The following PLEKHG7 variants were observed in gnomAD, a reference collection of about 807,000 sequenced individuals.
The protein encoded by PLEKHG7 is pleckstrin homology domain-containing family G member 7.
A neutral mutation model predicts 85.2 loss-of-function variants in PLEKHG7; 77 were observed. That is an observed-to-expected ratio of 0.90 (90% confidence interval 0.75 to 1.09). PLEKHG7 has a LOEUF of 1.09. Ranked by LOEUF, PLEKHG7 falls within the 50% of genes least tolerant of loss-of-function variation. The pLI is 0.00. For synonymous variants in PLEKHG7, 301 were observed against 302.4 expected (o/e 1.00, Z 0.05); for missense variants, 777 against 804.3 (o/e 0.97, Z 0.41).
intron 15 of PLEKHG7, 81 bp from the exon 16 acceptor site, chr12:92,768,901 AC>A: frequency 1.0e-6 from 1 of 959,464 alleles, no homozygotes; most frequent in South Asian, 1.8e-5. Flanking sequence ...TAGAAAACAA[AC>A]CCCAGATTCT....
intron 5 of PLEKHG7, among the ~76,000 whole-genome samples, chr12:92,733,454 G>A (rs1033459104): frequency 6.6e-6 from 1 of 152,170 alleles, no homozygotes; most frequent in Non-Finnish European, 1.5e-5. Flanking sequence ...GGAACATACT[G>A]TAAACATTAT....
intron 9 of PLEKHG7, among the ~76,000 whole-genome samples, chr12:92,741,895 T>C (rs570550025): frequency 3.3e-5 from 5 of 152,368 alleles, no homozygotes; most frequent in Middle Eastern, 3.4e-3. Flanking sequence ...GGCAATAGTT[T>C]AGTGTTTGCT....
intron 13 of PLEKHG7, among the ~76,000 whole-genome samples, chr12:92,759,240 C>A (rs1247497316): frequency 6.6e-6 from 1 of 152,198 alleles, no homozygotes; most frequent in Non-Finnish European, 1.5e-5. Context: ...ATAATTACCA[C>A]TTTCTAGAAT....
At chr12:92,724,427 G>A (rs1425014008) in intron 3 of PLEKHG7, among the ~76,000 whole-genome samples, 6 of 152,140 alleles carry the variant, frequency 3.9e-5, no homozygotes, top group Admixed American at 3.9e-4. Flanking sequence ...ATAAAGTAGA[G>A]AAAAAGTCAA....
intron 10 of PLEKHG7, among the ~76,000 whole-genome samples, chr12:92,750,599 A>AG (rs2136616850): frequency 6.6e-6 from 1 of 152,304 alleles, no homozygotes; most frequent in South Asian, 2.1e-4. Flanking sequence ...TTGGGAGGAC[A>AG]GGGGCCTAAC....
At chr12:92,766,932 C>T (rs1565798967) in intron 15 of PLEKHG7, among the ~76,000 whole-genome samples, 1 of 152,126 alleles carries the variant, frequency 6.6e-6, no homozygotes, top group Non-Finnish European at 1.5e-5. Context: ...TTCCTCGGGC[C>T]TATTAACTTG....
At chr12:92,738,675 T>A (rs1289130796) in intron 7 of PLEKHG7, among the ~76,000 whole-genome samples, 1 of 152,226 alleles carries the variant, frequency 6.6e-6, no homozygotes, top group Non-Finnish European at 1.5e-5. Flanking sequence ...GCTCACAGGC[T>A]GCATACTTTG....
chr12:92,703,130 C>G lies in PLEKHG7; in HGVS notation c.-164C>G. The G allele has an allele frequency of 6.6e-6, 1 of 152,260 alleles. No homozygotes were observed. Among genetic ancestry groups the G allele is most frequent in the East Asian group, 1.9e-4 (1 of 5,198 alleles). The allele number at this position is 152,260 out of a possible 1,614,324, so 9.4% of individuals were successfully genotyped here. ...TTGCCTTCAGGGACAGACCATCTTA[C>G]AGGTATTAAAGGCAACATTCAGCTG... On this transcript the variant is annotated splice_region_variant and 5_prime_UTR_variant, in exon 1 of 17. Coordinates refer to ENST00000344636, the MANE Select transcript of PLEKHG7 (RefSeq NM_001377329.1).
At chr12:92,730,711 T>G (rs1313582523) in intron 4 of PLEKHG7, among the ~76,000 whole-genome samples, 1 of 152,270 alleles carries the variant, frequency 6.6e-6, no homozygotes, top group East Asian at 1.9e-4. Context: ...CAAGCCGCTG[T>G]GCCCAGCCAG....
intron 3 of PLEKHG7, among the ~76,000 whole-genome samples, chr12:92,725,804 G>A (rs899873436): frequency 1.3e-5 from 2 of 152,092 alleles, no homozygotes; most frequent in Admixed American, 6.5e-5. Flanking sequence ...CTAAAAACGT[G>A]AAATAATACT....
At chr12:92,760,517 CAA>C (rs1872956096) in intron 13 of PLEKHG7, among the ~76,000 whole-genome samples, 1 of 151,832 alleles carries the variant, frequency 6.6e-6, no homozygotes, top group Non-Finnish European at 1.5e-5. Context: ...ACTTCTAGAA[CAA>C]TATATATATA....
chr12:92,743,549 A>G (rs1017540534), intron 9 of PLEKHG7, among the ~76,000 whole-genome samples: 2 of 119,986 alleles, frequency 1.7e-5, no homozygotes, highest in African/African-American at 6.1e-5. Context: ...TAATGACTCT[A>G]TTTTTGGTGG....
chr12:92,768,917 C>G, intron 15 of PLEKHG7, 66 bp from the exon 16 acceptor site: 1 of 1,165,850 alleles, frequency 8.6e-7, no homozygotes. Context: ...GATTCTTGTA[C>G]TAAGAAATTG....
At chr12:92,737,549 G>A in intron 7 of PLEKHG7, 28 bp downstream of exon 7, 1 of 1,598,818 alleles carries the variant, frequency 6.3e-7, no homozygotes. Flanking sequence ...TTTTGTAGTA[G>A]ATGGAAAATA....
chr12:92,742,032 AC>A (rs1872371909), intron 9 of PLEKHG7, among the ~76,000 whole-genome samples: 1 of 152,090 alleles, frequency 6.6e-6, no homozygotes, highest in Non-Finnish European at 1.5e-5. Flanking sequence ...GAAAACCTGT[AC>A]CCCGGGTTTG....
At chr12:92,720,515 C>G (rs1387018257) in intron 3 of PLEKHG7, among the ~76,000 whole-genome samples, 17 of 151,956 alleles carry the variant, frequency 1.1e-4, no homozygotes, top group Admixed American at 1.1e-3. Context: ...TTAGTAGAGA[C>G]AGGGTCCCAC....
rs540778976 is a variant in PLEKHG7 at position 92,768,221 on chromosome 12, A to G, written c.1871-762A>G. 1.2e-4 allele frequency among the ~76,000 whole-genome samples: 19 copies of G among 152,168 alleles called. No homozygotes were observed. The South Asian group carries it at 2.1e-3, about 17-fold the overall frequency. On this transcript the variant is annotated intron_variant, in intron 15 of 16. Transcript: ENST00000344636. ...GACTTCGTCTCAAGAAAAAAAAAAA[A>G]AGAGAGAAAAAAGAATGTGTAAGCT...
chr12:92,761,658 GAAAGAAAGA>G, intron 13 of PLEKHG7, 85 bp from the exon 14 acceptor site: 2 of 1,301,480 alleles, frequency 1.5e-6, no homozygotes, highest in African/African-American at 1.6e-5. Context: ...AAGAAAGAAA[GAAAGAAAGA>G]AAGAAAGAAA....
intron 5 of PLEKHG7, among the ~76,000 whole-genome samples, chr12:92,733,613 G>A (rs921368275): frequency 6.6e-6 from 1 of 152,080 alleles, no homozygotes; most frequent in East Asian, 1.9e-4. Context: ...CTCTTTCTTC[G>A]AATAAACAGA....
Sources: allele counts gnomAD v4.1 joint callset (sites outside exome capture counted in the v4.1 genomes callset), GRCh38; gene constraint gnomAD v4.1.1; transcripts MANE v1.5; gene names NCBI Gene and HGNC (gene_info 2026-07-23, HGNC 2026-07-21).